The following USP32 variants were observed in gnomAD, a reference collection of about 807,000 sequenced individuals.
USP32 encodes the protein ubiquitin carboxyl-terminal hydrolase 32.
Under a neutral mutation model 204.8 loss-of-function variants are expected in USP32, and 59 were observed. The ratio of observed to expected loss-of-function variants is 0.29; its 90% confidence interval spans 0.23 to 0.36. USP32 has a LOEUF of 0.36. Ranked by LOEUF, USP32 falls within the 10% of genes least tolerant of loss-of-function variation. USP32 has a pLI of 1.00. For synonymous variants in USP32, 517 were observed against 678.4 expected, an observed-to-expected ratio of 0.76 and a Z score of 3.70; for missense variants, 1,160 against 1,946.4, an observed-to-expected ratio of 0.60 and a Z score of 7.60.
intron 1 of USP32, among the ~76,000 whole-genome samples, chr17:60,417,286 C>T (rs2143115996): frequency 6.6e-6 from 1 of 151,988 alleles, no homozygotes; most frequent in Non-Finnish European, 1.5e-5. Flanking sequence ...TTTGTGTCCA[C>T]TTATGAAGTG....
At chr17:60,207,288 C>G (rs1422528853) in intron 24 of USP32, among the ~76,000 whole-genome samples, 156 bp from the exon 25 acceptor site, 1 of 152,166 alleles carries the variant, frequency 6.6e-6, no homozygotes, top group African/African-American at 2.4e-5. Context: ...AGGATGAATG[C>G]TTGATAAAAA....
intron 2 of USP32, among the ~76,000 whole-genome samples, chr17:60,339,698 T>C (rs1156577860): frequency 6.6e-6 from 1 of 152,116 alleles, no homozygotes; most frequent in Non-Finnish European, 1.5e-5. Context: ...TGGAGCTCCA[T>C]TAATCCTAGA....
intron 26 of USP32, among the ~76,000 whole-genome samples, chr17:60,200,493 G>A (rs1470429749): frequency 1.3e-5 from 2 of 151,702 alleles, no homozygotes; most frequent in Non-Finnish European, 2.9e-5. Flanking sequence ...ACAGGAGGCG[G>A]AGGTTGCAGT....
intron 1 of USP32, among the ~76,000 whole-genome samples, chr17:60,413,701 C>G (rs1245630622): frequency 1.3e-5 from 2 of 151,478 alleles, no homozygotes; most frequent in Non-Finnish European, 1.5e-5. Context: ...CCTGTCTCTA[C>G]TAAAAATACA....
At chr17:60,329,632 C>T (rs1022437582) in intron 2 of USP32, among the ~76,000 whole-genome samples, 4 of 152,068 alleles carry the variant, frequency 2.6e-5, no homozygotes, top group African/African-American at 9.7e-5. Flanking sequence ...TAGAATAGAA[C>T]ACTCCTTATT....
Position 60,383,644 on chromosome 17 carries a change from AT to A in USP32, c.58+8237del, listed in dbSNP as rs575789907. On this transcript the variant is annotated intron_variant, in intron 1 of 33. Transcript: ENST00000300896. ...GCCATCTGAGCTGTGGCCATCAGATATGAGAATGAGCCAGACATGTAAAAAT... is the reference window on the plus strand; with the variant it reads ...GCCATCTGAGCTGTGGCCATCAGATAGAGAATGAGCCAGACATGTAAAAAT... 2.2e-3 allele frequency among the ~76,000 whole-genome samples: 332 copies of A among 152,378 alleles called. 4 individuals are homozygous for A. Among genetic ancestry groups the A allele is most frequent in the African/African-American group, 7.5e-3 (313 of 41,586 alleles).
chr17:60,275,941 T>C (rs2086830111), intron 5 of USP32, among the ~76,000 whole-genome samples: 1 of 151,388 alleles, frequency 6.6e-6, no homozygotes, highest in South Asian at 2.1e-4. Flanking sequence ...TATGGAGCAA[T>C]AAAGATAAAA....
At chr17:60,323,451 C>T (rs1050884275) in intron 2 of USP32, among the ~76,000 whole-genome samples, 5 of 151,952 alleles carry the variant, frequency 3.3e-5, no homozygotes, top group Non-Finnish European at 7.4e-5. Flanking sequence ...ATTAGTTGGC[C>T]AAAGGCTGTG....
chr17:60,374,962 A>G (rs1445511593), intron 1 of USP32, among the ~76,000 whole-genome samples: 1 of 152,226 alleles, frequency 6.6e-6, no homozygotes, highest in Non-Finnish European at 1.5e-5. Flanking sequence ...TATGTACATT[A>G]TGATTAAAAC....
rs530874869 is a variant in USP32 at position 60,263,469 on chromosome 17, A to G, written c.990+1943T>C. On this transcript the variant is annotated intron_variant, in intron 9 of 33. Coordinates refer to ENST00000300896, the MANE Select transcript of USP32 (RefSeq NM_032582.4). ...TATGGTTAATAGGCTTGGTTAAAAA[A>G]CCCAAGTTCTATCCCAAACTATTAC... is the stretch of plus-strand genomic sequence containing the variant. 2.6e-5 allele frequency among the ~76,000 whole-genome samples: 4 copies of G among 152,302 alleles called. No individual in the cohort carries two copies. In the East Asian group the frequency reaches 7.7e-4, roughly 29 times the overall value.
At chr17:60,301,756 ATCT>A in intron 2 of USP32, 52 bp from the exon 3 acceptor site, 1 of 1,291,212 alleles carries the variant, frequency 7.7e-7, no homozygotes, top group Non-Finnish European at 1.1e-6. Flanking sequence ...TTGTTGAGGA[ATCT>A]GAGGCAGCTA....
rs2086207316 is a variant in USP32, at chr17:60,253,007, G to C, written c.1075-565C>G. 2.0e-5 allele frequency among the ~76,000 whole-genome samples: 3 copies of C among 152,084 alleles called. No individual in the cohort carries two copies. In the South Asian group the frequency reaches 6.2e-4, roughly 32 times the overall value. On this transcript the variant is annotated intron_variant, in intron 10 of 33. Coordinates refer to ENST00000300896, the MANE Select transcript of USP32 (RefSeq NM_032582.4). ...TACAGTAAAATGTAATAAAATTTAG[G>C]TGTTGAGTAGATTATTGGATGTTTC...
At chr17:60,332,709 A>G (rs1028740756) in intron 2 of USP32, among the ~76,000 whole-genome samples, 6 of 152,262 alleles carry the variant, frequency 3.9e-5, no homozygotes, top group Admixed American at 2.6e-4. Context: ...CTGCACCAAT[A>G]TCGGCACCCA....
In USP32 at chr17:60,211,133, G is replaced by C. The variant is rs2084956125; in HGVS notation, c.2319-15C>G. The stretch of plus-strand genomic sequence containing the variant: ...TGGGATTTGTCCTAGAAGTTTGAGA[G>C]GAAAATTTGTTGCCAAAGATTCTCA... On this transcript the variant is annotated splice_polypyrimidine_tract_variant and intron_variant, in intron 20 of 33. Transcript: ENST00000300896. 2 of 1,604,366 alleles carry C rather than the reference G, an allele frequency of 1.2e-6. No homozygotes were observed. The highest frequency in any genetic ancestry group is 3.4e-5 in the Admixed American group (2 of 58,828).
intron 6 of USP32, among the ~76,000 whole-genome samples, chr17:60,271,131 C>T (rs764940536): frequency 8.5e-5 from 13 of 152,092 alleles, no homozygotes; most frequent in Admixed American, 5.2e-4. Flanking sequence ...TGAGCATGCT[C>T]GGGTGCAGAG....
chr17:60,414,180 T>C (rs1189007591), intron 1 of USP32, among the ~76,000 whole-genome samples: 2 of 151,694 alleles, frequency 1.3e-5, no homozygotes, highest in Non-Finnish European at 2.9e-5. Context: ...CTGGCCAACA[T>C]GGCAAAACCT....
At chr17:60,393,251 G>A (rs1312010737), upstream of USP32, among the ~76,000 whole-genome samples, 1 of 152,154 alleles carries the variant, frequency 6.6e-6, no homozygotes, top group Non-Finnish European at 1.5e-5. Flanking sequence ...TTGGCATCGT[G>A]CCTTCCAGGT....
In USP32 at chr17:60,219,773, G is replaced by T; in HGVS notation, c.1764C>A (p.Ser588Arg). 1 of 1,610,848 alleles carries T rather than the reference G, an allele frequency of 6.2e-7. No individual in the cohort carries two copies. Among genetic ancestry groups the T allele is most frequent in the Non-Finnish European group, 8.5e-7 (1 of 1,178,780 alleles). ...LALPRPVIKN[S>R]KTDIPELELF... is the part of the protein sequence containing the mutation. Reference sequence around the variant, plus strand: ...ATTCCAGCTCTGGGATGTCTGTCTTGCTGTTCTTGATAACCTATTGTTTTA... The same window carrying T: ...ATTCCAGCTCTGGGATGTCTGTCTTTCTGTTCTTGATAACCTATTGTTTTA... Residue 588 changes from serine to arginine, a missense_variant, in exon 16 of 34, where the codon AGC (serine) becomes AGA (arginine). Around this residue, in one of 8 missense-constraint regions of USP32, gnomAD observed 37 missense variants for 62.6 expected, o/e 0.59. Transcript: ENST00000300896.
intron 27 of USP32, among the ~76,000 whole-genome samples, chr17:60,196,270 C>CAAAAAA (rs749074954): frequency 1.8e-4 from 23 of 129,212 alleles, no homozygotes; most frequent in African/African-American, 7.6e-4. Flanking sequence ...ATCCCCACGC[C>CAAAAAA]AAAAAAAGAA....
Sources: gnomAD v4.1 joint callset for allele counts (sites outside exome capture counted in the v4.1 genomes callset) on GRCh38, gnomAD v4.1.1 for gene constraint, gnomAD v4.1.1 regional missense constraint, MANE v1.5 for transcripts, NCBI Gene and HGNC (gene_info 2026-07-23, HGNC 2026-07-21) for gene names.